The following SEMA5A variants were observed in gnomAD, a reference collection of about 807,000 sequenced individuals.
SEMA5A encodes the protein semaphorin-5A.
In SEMA5A, 55 loss-of-function variants were observed where a neutral mutation model predicts 135.5. The ratio of observed to expected loss-of-function variants is 0.41; its 90% CI spans 0.33 to 0.51. The LOEUF (loss-of-function observed/expected upper bound fraction) is 0.51. SEMA5A is among the 20% of genes least tolerant of loss of function. The pLI is 0.37. For missense variants in SEMA5A, 1,290 were observed against 1,419.9 expected (o/e 0.91, Z 1.47); for synonymous variants, 580 against 546.5 (o/e 1.06, Z -0.85).
intron 2 of SEMA5A, among the ~76,000 whole-genome samples, chr5:9,403,089 T>C (rs1756733552): frequency 6.6e-6 from 1 of 152,190 alleles, no homozygotes; most frequent in Non-Finnish European, 1.5e-5. Context: ...ATTTTCTATC[T>C]TCTCCCATTT....
At chr5:9,235,728 T>C (rs1747872828) in intron 6 of SEMA5A, among the ~76,000 whole-genome samples, 1 of 152,084 alleles carries the variant, frequency 6.6e-6, no homozygotes. Context: ...TGCTTATTGA[T>C]GTGTCCATGA....
intron 3 of SEMA5A, among the ~76,000 whole-genome samples, chr5:9,348,842 G>A (rs529002676): frequency 5.3e-5 from 8 of 152,204 alleles, no homozygotes; most frequent in East Asian, 1.9e-4. Context: ...GCAGAGGAAC[G>A]TGCCAGAGAT....
intron 5 of SEMA5A, among the ~76,000 whole-genome samples, chr5:9,291,818 A>C (rs961322296): frequency 6.6e-6 from 1 of 151,624 alleles, no homozygotes; most frequent in Non-Finnish European, 1.5e-5. Context: ...CCTGATCAAC[A>C]AAATTGTGAG....
intron 4 of SEMA5A, among the ~76,000 whole-genome samples, chr5:9,335,070 T>A (rs1372569999): frequency 6.6e-6 from 1 of 151,888 alleles, no homozygotes; most frequent in African/African-American, 2.4e-5. Flanking sequence ...CACATTGGGA[T>A]GGAGACTCTA....
intron 12 of SEMA5A, among the ~76,000 whole-genome samples, chr5:9,146,390 T>C (rs1742336457): frequency 6.6e-6 from 1 of 152,336 alleles, no homozygotes; most frequent in South Asian, 2.1e-4. Context: ...GATGTCTTCA[T>C]AGGTGTCGCT....
intron 13 of SEMA5A, among the ~76,000 whole-genome samples, chr5:9,123,747 A>G (rs1396649272): frequency 6.6e-6 from 1 of 152,230 alleles, no homozygotes; most frequent in Non-Finnish European, 1.5e-5. Flanking sequence ...GTATCTATTA[A>G]GCAGCTGCAG....
chr5:9,336,041 A>G (rs1753376291), intron 4 of SEMA5A, among the ~76,000 whole-genome samples: 1 of 151,828 alleles, frequency 6.6e-6, no homozygotes, highest in African/African-American at 2.4e-5. Flanking sequence ...GCCACACAGG[A>G]CAGAGAATGT....
intron 6 of SEMA5A, among the ~76,000 whole-genome samples, chr5:9,232,669 G>GTA (rs1250168205): frequency 2.6e-5 from 4 of 151,952 alleles, no homozygotes; most frequent in Admixed American, 1.3e-4. Context: ...ATACTATACT[G>GTA]TATATATGTA....
intron 11 of SEMA5A, among the ~76,000 whole-genome samples, chr5:9,176,820 T>C (rs539472504): frequency 6.6e-6 from 1 of 152,300 alleles, no homozygotes; most frequent in African/African-American, 2.4e-5. Flanking sequence ...TGTGGCACAT[T>C]CAGGATAATG....
chr5:9,498,745 G>A (rs1735430676), intron 1 of SEMA5A: 1 of 150,744 alleles, frequency 6.6e-6, no homozygotes, highest in Admixed American at 6.6e-5. Context: ...CTATGACCCA[G>A]TAACCTTGTC....
intron 1 of SEMA5A, among the ~76,000 whole-genome samples, chr5:9,514,388 A>G (rs955520133): frequency 3.3e-5 from 5 of 152,180 alleles, no homozygotes; most frequent in African/African-American, 9.7e-5. Context: ...GGAGTGGACT[A>G]TCACACCCTC....
intron 14 of SEMA5A, among the ~76,000 whole-genome samples, chr5:9,120,599 A>G (rs1740761960): frequency 6.6e-6 from 1 of 152,196 alleles, no homozygotes; most frequent in Non-Finnish European, 1.5e-5. Context: ...AATCTTAAAA[A>G]TTATCCATGT....
chr5:9,160,225 G>A (rs897893042), intron 11 of SEMA5A, among the ~76,000 whole-genome samples: 3 of 152,076 alleles, frequency 2.0e-5, no homozygotes, highest in African/African-American at 4.8e-5. Context: ...CTCCTCCATT[G>A]GAAGACTTTG....
intron 9 of SEMA5A, among the ~76,000 whole-genome samples, chr5:9,200,376 T>C (rs2150364986): frequency 6.6e-6 from 1 of 152,318 alleles, no homozygotes; most frequent in East Asian, 1.9e-4. Flanking sequence ...TTTTGTTTTG[T>C]TTTGCCCAGA....
intron 5 of SEMA5A, among the ~76,000 whole-genome samples, chr5:9,244,750 T>C (rs1748396339): frequency 6.6e-6 from 1 of 152,184 alleles, no homozygotes; most frequent in South Asian, 2.1e-4. Flanking sequence ...TCAGGTGTCC[T>C]TCTAGAGACC....
chr5:9,126,229 G>A (rs1233315258), intron 13 of SEMA5A, among the ~76,000 whole-genome samples: 1 of 152,142 alleles, frequency 6.6e-6, no homozygotes, highest in Non-Finnish European at 1.5e-5. Flanking sequence ...TCCTAAGCCT[G>A]CAGGTGGGAG....
At chr5:9,207,854 TAGA>T (rs1746117892) in intron 8 of SEMA5A, among the ~76,000 whole-genome samples, 1 of 56,400 alleles carries the variant, frequency 1.8e-5, no homozygotes, top group Non-Finnish European at 3.3e-5. Flanking sequence ...CAGATGATGA[TAGA>T]TAGATAGATA....
chr5:9,540,818 G>A (rs1306818816), intron 1 of SEMA5A, among the ~76,000 whole-genome samples: 1 of 152,064 alleles, frequency 6.6e-6, no homozygotes, highest in Admixed American at 6.6e-5. Context: ...GAACAGCTTT[G>A]GGGGCCCTCT....
rs548069169 is a variant in SEMA5A, at chr5:9,447,667, CTATT to C, written c.-174-9819_-174-9816del. ...GCACAACCAAAAATCTAATTCTGTT[CTATT>C]TGTCATCCCCTCAATATAAATTAGT... On this transcript the variant is annotated intron_variant, in intron 1 of 22. Transcript: ENST00000382496. Among the ~76,000 whole-genome samples, 7 of 152,266 alleles carry C rather than the reference CTATT, an allele frequency of 4.6e-5. No homozygotes were observed. In the East Asian group the frequency reaches 1.4e-3, roughly 29 times the overall value.
Sources: gnomAD v4.1 joint callset for allele counts (sites outside exome capture counted in the v4.1 genomes callset) on GRCh38, gnomAD v4.1.1 for gene constraint, MANE v1.5 for transcripts, NCBI Gene and HGNC (gene_info 2026-07-23, HGNC 2026-07-21) for gene names.